GTF2I: variants seen among roughly 807,000 people sequenced by gnomAD.
The protein encoded by GTF2I is general transcription factor II-I.
In GTF2I, 12 loss-of-function variants were observed where a neutral mutation model predicts 67.6. The ratio of observed to expected loss-of-function variants is 0.18; its 90% confidence interval spans 0.11 to 0.29. GTF2I has a LOEUF of 0.29. Ranked by LOEUF, GTF2I falls within the 10% of genes least tolerant of loss-of-function variation. GTF2I has a pLI of 1.00. For missense variants in GTF2I, 271 were observed against 580.1 expected (o/e 0.47, Z 5.47); for synonymous variants, 149 against 197.0 (o/e 0.76, Z 2.04).
intron 9 of GTF2I, among the ~76,000 whole-genome samples, chr7:74,711,540 A>G (rs1344750557): frequency 6.6e-5 from 10 of 152,206 alleles, no homozygotes; most frequent in Admixed American, 6.5e-4. Flanking sequence ...TGCATCCAAG[A>G]TAATGAAATA....
intron 1 of GTF2I, chr7:74,687,644 A>C (rs1554395848): frequency 1.6e-6 from 1 of 628,116 alleles, no homozygotes; most frequent in South Asian, 7.0e-5. Flanking sequence ...CACAGTCTTT[A>C]ATAATAGGGA....
intron 1 of GTF2I, among the ~76,000 whole-genome samples, chr7:74,672,343 C>T (rs1554390963): frequency 6.6e-6 from 1 of 152,076 alleles, no homozygotes; most frequent in Non-Finnish European, 1.5e-5. Flanking sequence ...GAGTTTGAGA[C>T]CAGCCTGGGC....
chr7:74,690,055 A>T (rs1186163796), intron 2 of GTF2I, among the ~76,000 whole-genome samples: 1 of 152,072 alleles, frequency 6.6e-6, no homozygotes, highest in African/African-American at 2.4e-5. Flanking sequence ...CTCTACTAAA[A>T]ATACAAAAAA....
At chr7:74,658,746 C>G (rs1245105737) in intron 1 of GTF2I, among the ~76,000 whole-genome samples, 2 of 151,552 alleles carry the variant, frequency 1.3e-5, no homozygotes, top group Non-Finnish European at 2.9e-5. Flanking sequence ...GGCGCGCCTG[C>G]CCCGCGGGGC....
At chr7:74,703,107 T>A (rs1266701775) in intron 6 of GTF2I, among the ~76,000 whole-genome samples, 2 of 152,042 alleles carry the variant, frequency 1.3e-5, no homozygotes, top group East Asian at 3.8e-4. Context: ...AAAAATTGGG[T>A]TTGTTTGTCT....
At chr7:74,708,576 G>A (rs1334697320) in intron 8 of GTF2I, among the ~76,000 whole-genome samples, 1 of 152,112 alleles carries the variant, frequency 6.6e-6, no homozygotes, top group East Asian at 1.9e-4. Context: ...CTGAACGAGG[G>A]TACCAAGGAG....
At chr7:74,663,050 C>A (rs973957622) in intron 1 of GTF2I, among the ~76,000 whole-genome samples, 1 of 152,140 alleles carries the variant, frequency 6.6e-6, no homozygotes, top group Non-Finnish European at 1.5e-5. Flanking sequence ...GAACACTGAA[C>A]AATTACTAAA....
intron 9 of GTF2I, 45 bp downstream of exon 9, chr7:74,711,154 G>T: frequency 1.2e-6 from 1 of 851,990 alleles, no homozygotes; most frequent in Non-Finnish European, 1.8e-6. Flanking sequence ...ATTATTCGTG[G>T]TTAAAATTAA....
At chr7:74,698,665 G>T (rs1789305535) in intron 3 of GTF2I, among the ~76,000 whole-genome samples, 2 of 151,994 alleles carry the variant, frequency 1.3e-5, no homozygotes, top group Admixed American at 1.3e-4. Flanking sequence ...TCCTGCTTCA[G>T]CCTCACAAGG....
chr7:74,694,412 C>T (rs912782771), intron 3 of GTF2I, among the ~76,000 whole-genome samples: 2 of 152,162 alleles, frequency 1.3e-5, no homozygotes, highest in East Asian at 3.9e-4. Flanking sequence ...CCTGGTGAAA[C>T]CCCGTCTCTT....
intron 10 of GTF2I, among the ~76,000 whole-genome samples, chr7:74,715,294 T>C (rs1554403412): frequency 6.6e-6 from 1 of 152,084 alleles, no homozygotes; most frequent in Non-Finnish European, 1.5e-5. Context: ...GAAATAGCAC[T>C]TGTTAATCTG....
At chr7:74,721,859 A>G (rs587627708) in intron 12 of GTF2I, among the ~76,000 whole-genome samples, 3 of 152,266 alleles carry the variant, frequency 2.0e-5, no homozygotes, top group East Asian at 3.9e-4. Context: ...TTCAGTGGAA[A>G]AAAAAAAAAT....
intron 3 of GTF2I, among the ~76,000 whole-genome samples, chr7:74,692,385 G>T (rs1292112038): frequency 6.6e-6 from 1 of 152,048 alleles, no homozygotes; most frequent in Non-Finnish European, 1.5e-5. Context: ...TTCTTTTCTA[G>T]ATAAAAAGTT....
At chr7:74,719,627 T>G (rs1554404194) in intron 12 of GTF2I, among the ~76,000 whole-genome samples, 1 of 152,172 alleles carries the variant, frequency 6.6e-6, no homozygotes, top group East Asian at 1.9e-4. Flanking sequence ...CCTTTTAAAT[T>G]AATGTCTCAC....
chr7:74,721,298 C>T (rs1027134680), intron 12 of GTF2I, among the ~76,000 whole-genome samples: 1 of 152,212 alleles, frequency 6.6e-6, no homozygotes, highest in Admixed American at 6.5e-5. Flanking sequence ...ACCTCGGCTT[C>T]CCAAAGTGCT....
At chr7:74,705,725 C>A (rs1584216771) in intron 7 of GTF2I, among the ~76,000 whole-genome samples, 1 of 151,996 alleles carries the variant, frequency 6.6e-6, no homozygotes, top group East Asian at 1.9e-4. Flanking sequence ...CCATGCCCAG[C>A]TAATTTTTTT....
chr7:74,714,239 A>T (rs587694012), intron 9 of GTF2I, among the ~76,000 whole-genome samples: 2 of 152,272 alleles, frequency 1.3e-5, no homozygotes, highest in African/African-American at 4.8e-5. Flanking sequence ...TGTGAAGTTG[A>T]ATTTAACTCA....
intron 20 of GTF2I, 199 bp downstream of exon 20, chr7:74,743,719 TA>T: frequency 4.4e-6 from 2 of 459,234 alleles, no homozygotes; most frequent in East Asian, 8.6e-5. Context: ...CCGTCTCTAC[TA>T]AAAATACAGG....
chr7:74,674,465 A>G (rs959754391), intron 1 of GTF2I, among the ~76,000 whole-genome samples: 5 of 152,120 alleles, frequency 3.3e-5, no homozygotes, highest in Non-Finnish European at 2.9e-5. Context: ...AGTTCTGCCC[A>G]TCGTTTTGGT....
Sources: allele counts gnomAD v4.1 joint callset (sites outside exome capture counted in the v4.1 genomes callset), GRCh38; gene constraint gnomAD v4.1.1; transcripts MANE v1.5; gene names NCBI Gene and HGNC (gene_info 2026-07-23, HGNC 2026-07-21).